Variants in NXPH3 observed in about 807,000 individuals in gnomAD.
NXPH3 encodes neurexophilin-3.
A neutral mutation model predicts 18.8 loss-of-function variants in NXPH3; 7 were observed. The ratio of observed to expected loss-of-function variants is 0.37; its 90% confidence interval spans 0.21 to 0.70. NXPH3 has a LOEUF of 0.70. Among genes scored for constraint, NXPH3 ranks in the 30% least tolerant of loss-of-function variants. NXPH3 has a pLI of 0.53. For missense variants in NXPH3, 282 were observed against 338.1 expected, an observed-to-expected ratio of 0.83 and a Z score of 1.30; for synonymous variants, 101 against 137.3, an observed-to-expected ratio of 0.74 and a Z score of 1.85.
chr17:49,577,544 T>C (rs547649226), intron 1 of NXPH3, among the ~76,000 whole-genome samples: 9 of 152,182 alleles, frequency 5.9e-5, no homozygotes, highest in Non-Finnish European at 1.3e-4. Context: ...CTCCCAGGTG[T>C]GGGTTGTCAC....
chr17:49,576,116 G>T lies in NXPH3; in HGVS notation c.-104G>T, dbSNP rs1241409224. On this transcript the variant is annotated 5_prime_UTR_variant, in exon 1 of 2. Coordinates refer to ENST00000328741, the MANE Select transcript of NXPH3 (RefSeq NM_007225.4). ...GAGGGGAGGGCCGCGGGCCGCCGGG[G>T]ACTGGAGCATGGGACGGCGCGCCTG... The T allele has an allele frequency of 2.8e-6, 4 of 1,422,928 alleles. No homozygotes were observed. In the South Asian group the frequency reaches 4.9e-5, roughly 18 times the overall value. The allele number at this position is 1,422,928 out of a possible 1,614,324, so 88.1% of individuals were successfully genotyped here.
rs146367019 is a variant in NXPH3 at position 49,578,893 on chromosome 17, G to T, written c.352G>T (p.Val118Phe). ...CAAGACGGTGGCCCTGAACCTGCTC[G>T]TCACAGGGAAGATTGTGGACCATGG... Reference protein sequence around the residue: ...NIKTVALNLLVTGKIVDHGNG... With the variant: ...NIKTVALNLLFTGKIVDHGNG... The change falls in exon 2 of 2, where the codon GTC (valine) becomes TTC (phenylalanine). Residue 118 changes from valine to phenylalanine, a missense_variant. Val to Phe is a conservative substitution (Grantham distance 50, BLOSUM62 -1). Coordinates refer to ENST00000328741, the MANE Select transcript of NXPH3 (RefSeq NM_007225.4). The surrounding 1 kb of genome is among the most constrained non-coding windows in gnomAD (Gnocchi z 4.5). 17 of 1,614,100 alleles carry T rather than the reference G, an allele frequency of 1.1e-5. No homozygotes were observed. The highest frequency in any genetic ancestry group is 1.4e-5 in the Non-Finnish European group (17 of 1,180,026).
In NXPH3 at chr17:49,578,714, G is replaced by T; in HGVS notation, c.173G>T (p.Arg58Leu). The T allele has an allele frequency of 6.2e-7, 1 of 1,613,312 alleles. No individual in the cohort carries two copies. The highest frequency in any genetic ancestry group is 8.5e-7 in the Non-Finnish European group (1 of 1,179,966). Residue 58 changes from arginine to leucine, a missense_variant, in exon 2 of 2, where the codon CGC (arginine) becomes CTC (leucine). Coordinates refer to ENST00000328741, the MANE Select transcript of NXPH3 (RefSeq NM_007225.4). This position sits in a 1 kb window ranked among gnomAD's most constrained non-coding sequence, Gnocchi z 4.5. ...RKRGHISPKS[R>L]PMANSTLLGL... Reference sequence around the variant, plus strand: ...CGGGGCCACATCTCACCTAAGTCCCGCCCCATGGCCAATTCCACTCTCCTA... The same window carrying T: ...CGGGGCCACATCTCACCTAAGTCCCTCCCCATGGCCAATTCCACTCTCCTA...
Position 49,578,396 on chromosome 17 carries a change from G to T in NXPH3, c.55-200G>T, listed in dbSNP as rs898111168. On this transcript the variant is annotated intron_variant, in intron 1 of 1. Transcript: ENST00000328741. The surrounding 1 kb of genome is among the most constrained non-coding windows in gnomAD (Gnocchi z 4.5). Reference sequence around the variant, plus strand: ...CCAAGACAGTGAGGAAAGGACAATGGGGGGGGGGGTGACCCAACTGTCAGA... The same window carrying T: ...CCAAGACAGTGAGGAAAGGACAATGTGGGGGGGGGTGACCCAACTGTCAGA... Among the ~76,000 whole-genome samples, 3 of 57,748 alleles carry T rather than the reference G, an allele frequency of 5.2e-5. No homozygotes were observed. Among genetic ancestry groups the T allele is most frequent in the East Asian group, 1.5e-3 (1 of 658 alleles). The allele number at this position is 57,748 out of a possible 152,430, so 37.9% of individuals were successfully genotyped here.
At position 49,581,104 on chromosome 17, in the gene NXPH3, G is replaced by A. The variant is rs1037315677; in HGVS notation, c.*1804G>A. The A allele has an allele frequency of 6.3e-6, 1 of 159,092 alleles. No individual in the cohort carries two copies. The highest frequency in any genetic ancestry group is 6.2e-5 in the Admixed American group (1 of 16,234). The allele number at this position is 159,092 out of a possible 1,614,324, so 9.9% of individuals were successfully genotyped here. ...GGCCTTTCAGAGAATCGGGGCTATT[G>A]TATTGGATTTTCAATCTGACCACAT... On this transcript the variant is annotated 3_prime_UTR_variant, in exon 2 of 2. Transcript: ENST00000328741.
chr17:49,582,317 C>A lies in NXPH3; in HGVS notation c.*3017C>A. 1 of 171,408 alleles carries A rather than the reference C, an allele frequency of 5.8e-6. No individual in the cohort carries two copies. Among genetic ancestry groups the A allele is most frequent in the Non-Finnish European group, 1.2e-5 (1 of 80,772 alleles). 10.6% of individuals were successfully genotyped at this position (171,408 alleles called of 1,614,324 possible). On this transcript the variant is annotated 3_prime_UTR_variant, in exon 2 of 2. Transcript: ENST00000328741. ...CCCAAAGGGCCAGGTCCTACTCACA[C>A]TCCAACCCGTTGACCTTCCCCATCC...
At position 49,578,630 on chromosome 17, in the gene NXPH3, C is replaced by T. The variant is rs146996214; in HGVS notation, c.89C>T (p.Ser30Leu). ...ICGQDDGPPG[S>L]EDPERDDHEG... The stretch of plus-strand genomic sequence containing the variant: ...GGCCAGGATGATGGTCCTCCCGGCT[C>T]AGAGGACCCTGAGCGTGATGACCAC... Residue 30 changes from serine to leucine, a missense_variant, in exon 2 of 2, where the codon TCA becomes TTA. Coordinates refer to ENST00000328741, the MANE Select transcript of NXPH3 (RefSeq NM_007225.4). This position sits in a 1 kb window ranked among gnomAD's most constrained non-coding sequence, Gnocchi z 4.5. The T allele has an allele frequency of 3.3e-5, 53 of 1,586,456 alleles. No homozygotes were observed. Among genetic ancestry groups the T allele is most frequent in the Non-Finnish European group, 4.2e-5 (49 of 1,167,358 alleles).
In NXPH3 at chr17:49,579,334, G is replaced by A. The variant is rs781089247; in HGVS notation, c.*34G>A. 5.2e-6 allele frequency: 8 copies of A among 1,548,236 alleles called. No individual in the cohort carries two copies. Among genetic ancestry groups the A allele is most frequent in the South Asian group, 3.4e-5 (3 of 86,962 alleles). On this transcript the variant is annotated 3_prime_UTR_variant, in exon 2 of 2. Coordinates refer to ENST00000328741, the MANE Select transcript of NXPH3 (RefSeq NM_007225.4). The surrounding 1 kb of genome is among the most constrained non-coding windows in gnomAD (Gnocchi z 6.0). ...AGGCCACAGAGGCCAGGCCAGGGCT[G>A]GAAGGACAGGCCTGCCCATGCAGGA... is the stretch of plus-strand genomic sequence containing the variant.
rs551752487 is a variant in NXPH3 at position 49,578,754 on chromosome 17, G to A, written c.213G>A (p.Pro71=). The A allele has an allele frequency of 3.0e-5, 48 of 1,613,606 alleles. No individual in the cohort carries two copies. The highest frequency in any genetic ancestry group is 1.3e-4 in the African/African-American group (10 of 75,048). The part of the protein sequence containing the change: ...ANSTLLGLLA[P]PGEAWGILGQ... The stretch of plus-strand genomic sequence containing the variant: ...CCACTCTCCTAGGGCTGCTGGCCCC[G>A]CCTGGGGAGGCTTGGGGCATTCTTG... Residue 71 remains proline (P), a synonymous_variant, in exon 2 of 2, where the codon CCG becomes CCA. Transcript: ENST00000328741. The surrounding 1 kb of genome is among the most constrained non-coding windows in gnomAD (Gnocchi z 4.5).
In NXPH3 at chr17:49,579,142, CGAGACCACGCTCA is replaced by C; in HGVS notation, c.605_617del (p.Asp202AlafsTer118). On this transcript the variant is annotated frameshift_variant, in exon 2 of 2. Coordinates refer to ENST00000328741, the MANE Select transcript of NXPH3 (RefSeq NM_007225.4). LOFTEE classifies it high-confidence loss of function. The surrounding 1 kb of genome is among the most constrained non-coding windows in gnomAD (Gnocchi z 6.0). ...CCACGACCCAGCCAAGATCTGCTCC[CGAGACCACGCTCA>C]GAGCTCAGCCACCTGGAGCTGCTCC... 1 of 1,613,856 alleles carries C rather than the reference CGAGACCACGCTCA, an allele frequency of 6.2e-7. No homozygotes were observed. The highest frequency in any genetic ancestry group is 8.5e-7 in the Non-Finnish European group (1 of 1,180,040).
rs36092288 is a variant in NXPH3 at position 49,578,799 on chromosome 17, G to A, written c.258G>A (p.Pro86=). The A allele has an allele frequency of 2.5e-5, 40 of 1,613,904 alleles. No individual in the cohort carries two copies. The highest frequency in any genetic ancestry group is 3.3e-4 in the Middle Eastern group (2 of 6,062). Residue 86 remains proline, a synonymous_variant, in exon 2 of 2, where the codon CCG becomes CCA. Coordinates refer to ENST00000328741, the MANE Select transcript of NXPH3 (RefSeq NM_007225.4). The surrounding 1 kb of genome is among the most constrained non-coding windows in gnomAD (Gnocchi z 4.5). ...TTCTTGGGCAGCCCCCCAACCGCCCGAACCACAGCCCCCCACCCTCAGCCA... is the reference window on the plus strand; with the variant it reads ...TTCTTGGGCAGCCCCCCAACCGCCCAAACCACAGCCCCCCACCCTCAGCCA... ...WGILGQPPNR[P]NHSPPPSAKV...
rs908827225 is a variant in NXPH3 at position 49,581,329 on chromosome 17, T to C, written c.*2029T>C. 1 of 510,458 alleles carries C rather than the reference T, an allele frequency of 2.0e-6. No individual in the cohort carries two copies. Among genetic ancestry groups the C allele is most frequent in the East Asian group, 3.2e-5 (1 of 31,616 alleles). The allele number at this position is 510,458 out of a possible 1,614,324, so 31.6% of individuals were successfully genotyped here. On this transcript the variant is annotated 3_prime_UTR_variant, in exon 2 of 2. Transcript: ENST00000328741. ...CTTCTGGAGGTCATTCTAAGTCGGC[T>C]CTCTTGGGAGGGCAGCACTCAGGGC... is the stretch of plus-strand genomic sequence containing the variant.
In NXPH3 at chr17:49,581,349, CAG is replaced by C. The variant is rs951476380; in HGVS notation, c.*2050_*2051del. The stretch of plus-strand genomic sequence containing the variant: ...TCGGCTCTCTTGGGAGGGCAGCACT[CAG>C]GGCCCTTTGGGCCCTCTTGAGGAGA... On this transcript the variant is annotated 3_prime_UTR_variant, in exon 2 of 2. Coordinates refer to ENST00000328741, the MANE Select transcript of NXPH3 (RefSeq NM_007225.4). The C allele has an allele frequency of 3.6e-6, 2 of 555,460 alleles. No homozygotes were observed. Among genetic ancestry groups the C allele is most frequent in the African/African-American group, 1.9e-5 (1 of 52,908 alleles). The allele number at this position is 555,460 out of a possible 1,614,324, so 34.4% of individuals were successfully genotyped here. A position where few individuals can be genotyped will look rare whatever the true frequency, so the allele number is the denominator to read the frequency against.
Position 49,578,749 on chromosome 17 carries a change from G to A in NXPH3, c.208G>A (p.Ala70Thr). The change falls in exon 2 of 2, where the codon GCC becomes ACC. Residue 70 changes from alanine (A) to threonine (T), a missense_variant. Coordinates refer to ENST00000328741, the MANE Select transcript of NXPH3 (RefSeq NM_007225.4). This position sits in a 1 kb window ranked among gnomAD's most constrained non-coding sequence, Gnocchi z 4.5. ...MANSTLLGLLAPPGEAWGILG... is the reference protein window; with the variant it reads ...MANSTLLGLLTPPGEAWGILG... ...CAATTCCACTCTCCTAGGGCTGCTG[G>A]CCCCGCCTGGGGAGGCTTGGGGCAT... The A allele has an allele frequency of 6.2e-7, 1 of 1,613,626 alleles. No individual in the cohort carries two copies.
chr17:49,578,548 G>A lies in NXPH3; in HGVS notation c.55-48G>A, dbSNP rs369436307. On this transcript the variant is annotated intron_variant, in intron 1 of 1. Transcript: ENST00000328741. This position sits in a 1 kb window ranked among gnomAD's most constrained non-coding sequence, Gnocchi z 4.5. ...GGGTACTGCTGGTAGCGGGGGTGGT[G>A]GACCTCCAGGGACAGGGCTCTCACT... The A allele has an allele frequency of 6.3e-6, 9 of 1,436,976 alleles. No homozygotes were observed. The African/African-American group carries it at 1.0e-4, about 16-fold the overall frequency. The allele number at this position is 1,436,976 out of a possible 1,614,324, so 89.0% of individuals were successfully genotyped here. A position where few individuals can be genotyped will look rare whatever the true frequency, so the allele number is the denominator to read the frequency against.
Position 49,583,804 on chromosome 17 carries a change from C to A in NXPH3, c.*4504C>A. On this transcript the variant is annotated 3_prime_UTR_variant, in exon 2 of 2. Transcript: ENST00000328741. Reference sequence around the variant, plus strand: ...TGTTAGGAAAATTAAATGAGTTGCTCAATAAATGTTACTTCCTCCTGTCTT... The same window carrying A: ...TGTTAGGAAAATTAAATGAGTTGCTAAATAAATGTTACTTCCTCCTGTCTT... 6.6e-6 allele frequency: 1 copy of A among 152,244 alleles called. No individual in the cohort carries two copies. 9.4% of individuals were successfully genotyped at this position (152,244 alleles called of 1,614,324 possible).
rs1408199540 is a variant in NXPH3, at chr17:49,579,409, G to C, written c.*109G>C. 3 of 980,524 alleles carry C rather than the reference G, an allele frequency of 3.1e-6. No individual in the cohort carries two copies. Among genetic ancestry groups the C allele is most frequent in the African/African-American group, 3.3e-5 (2 of 61,308 alleles). 60.7% of individuals were successfully genotyped at this position (980,524 alleles called of 1,614,324 possible). A position where few individuals can be genotyped will look rare whatever the true frequency, so the allele number is the denominator to read the frequency against. On this transcript the variant is annotated 3_prime_UTR_variant, in exon 2 of 2. Coordinates refer to ENST00000328741, the MANE Select transcript of NXPH3 (RefSeq NM_007225.4). This position sits in a 1 kb window ranked among gnomAD's most constrained non-coding sequence, Gnocchi z 6.0. ...AGGGGTTGGGCCTCAGGCAGGGAGG[G>C]GGGTGGAGACGAGGAGATGCCAAGT...
Position 49,579,601 on chromosome 17 carries a change from G to A in NXPH3, c.*301G>A. ...CACAGAGAGATGCTGGGTCCCCGAG[G>A]CCTGTGGGCAGGCCGATCAGTGTGG... On this transcript the variant is annotated 3_prime_UTR_variant, in exon 2 of 2. Coordinates refer to ENST00000328741, the MANE Select transcript of NXPH3 (RefSeq NM_007225.4). The surrounding 1 kb of genome is among the most constrained non-coding windows in gnomAD (Gnocchi z 6.0). 2.4e-6 allele frequency: 1 copy of A among 417,416 alleles called. No individual in the cohort carries two copies. Among genetic ancestry groups the A allele is most frequent in the Admixed American group, 4.0e-5 (1 of 25,266 alleles). 25.9% of individuals were successfully genotyped at this position (417,416 alleles called of 1,614,324 possible).
chr17:49,581,648 G>A lies in NXPH3; in HGVS notation c.*2348G>A, dbSNP rs2143048459. 2.8e-6 allele frequency: 2 copies of A among 702,588 alleles called. No individual in the cohort carries two copies. Among genetic ancestry groups the A allele is most frequent in the Non-Finnish European group, 2.6e-6 (1 of 384,994 alleles). The allele number at this position is 702,588 out of a possible 1,614,324, so 43.5% of individuals were successfully genotyped here. A position where few individuals can be genotyped will look rare whatever the true frequency, so the allele number is the denominator to read the frequency against. ...CTCCCCACCCTGGAGGCTTGAGACT[G>A]CTGGCACTGGAGCAGCCCACCAATG... On this transcript the variant is annotated 3_prime_UTR_variant, in exon 2 of 2. Coordinates refer to ENST00000328741, the MANE Select transcript of NXPH3 (RefSeq NM_007225.4).
Sources: gnomAD v4.1 joint callset for allele counts (sites outside exome capture counted in the v4.1 genomes callset) on GRCh38, gnomAD v4.1.1 for gene constraint, Gnocchi (gnomAD v3.1) non-coding constraint, MANE v1.5 for transcripts, NCBI Gene and HGNC (gene_info 2026-07-23, HGNC 2026-07-21) for gene names.